The following ZNF536 variants were observed in gnomAD, a reference collection of about 807,000 sequenced individuals.
ZNF536 encodes the protein zinc finger protein 536.
ZNF536 carries 13 observed loss-of-function variants against 84.5 expected under a neutral mutation model. The observed-to-expected ratio is 0.15, with a 90% CI of 0.10 to 0.24. The LOEUF (loss-of-function observed/expected upper bound fraction) is 0.24, where lower values mean the gene tolerates loss of function less well. Ranked by LOEUF, ZNF536 falls within the 10% of genes least tolerant of loss-of-function variation. The pLI is 1.00. For synonymous variants in ZNF536, 811 were observed against 742.5 expected, an observed-to-expected ratio of 1.09 and a Z score of -1.50; for missense variants, 1,536 against 1,747.5, an observed-to-expected ratio of 0.88 and a Z score of 2.16.
At chr19:30,514,201 G>T (rs963686622) in intron 2 of ZNF536, among the ~76,000 whole-genome samples, 4 of 152,146 alleles carry the variant, frequency 2.6e-5, no homozygotes, top group African/African-American at 4.8e-5. Context: ...CCTTCTACTA[G>T]CCTCCATAGA....
intron 2 of ZNF536, among the ~76,000 whole-genome samples, chr19:30,285,975 TG>T (rs1868268567): frequency 1.3e-5 from 2 of 152,196 alleles, no homozygotes; most frequent in South Asian, 2.1e-4. Flanking sequence ...CAGAGTTCCA[TG>T]GTGCTTTTTC....
chr19:30,640,550 G>A (rs930874061), intron 1 of ZNF536, among the ~76,000 whole-genome samples: 1 of 152,158 alleles, frequency 6.6e-6, no homozygotes, highest in Non-Finnish European at 1.5e-5. Context: ...TTGAGGTATC[G>A]TAAGATTGTG....
intron 2 of ZNF536, among the ~76,000 whole-genome samples, chr19:30,299,931 T>A (rs528857341): frequency 1.3e-5 from 2 of 152,294 alleles, no homozygotes; most frequent in African/African-American, 4.8e-5. Flanking sequence ...CTAATCTAAT[T>A]CACCATATAA....
At chr19:30,536,865 C>T (rs2045104335) in intron 3 of ZNF536, among the ~76,000 whole-genome samples, 6 of 152,222 alleles carry the variant, frequency 3.9e-5, no homozygotes. Context: ...TTGAACTTCT[C>T]TGCCAGATAG....
intron 2 of ZNF536, among the ~76,000 whole-genome samples, chr19:30,306,974 C>T (rs564910438): frequency 2.4e-4 from 36 of 151,924 alleles, no homozygotes; most frequent in Non-Finnish European, 4.4e-4. Flanking sequence ...TTGAGGGAAC[C>T]GACAGAAAAA....
intron 2 of ZNF536, among the ~76,000 whole-genome samples, chr19:30,317,184 C>G (rs1415286466): frequency 2.0e-5 from 3 of 152,194 alleles, no homozygotes; most frequent in Admixed American, 1.3e-4. Flanking sequence ...CACCTTGAAC[C>G]CAGCCCTGTC....
intron 1 of ZNF536, among the ~76,000 whole-genome samples, chr19:30,373,090 C>CT (rs1161724631): frequency 6.6e-6 from 1 of 152,238 alleles, no homozygotes; most frequent in East Asian, 1.9e-4. Context: ...TTGGGTTCTG[C>CT]TTTTTGACGT....
chr19:30,619,181 T>G (rs2048399062), intron 1 of ZNF536, among the ~76,000 whole-genome samples: 1 of 152,222 alleles, frequency 6.6e-6, no homozygotes, highest in Non-Finnish European at 1.5e-5. Context: ...CATGTTGAAT[T>G]CTGTTTGTCT....
intron 1 of ZNF536, among the ~76,000 whole-genome samples, chr19:30,704,072 C>T (rs1353460715): frequency 1.3e-5 from 2 of 152,124 alleles, no homozygotes; most frequent in African/African-American, 4.8e-5. Context: ...TCCTATTTGA[C>T]CAAAGGCCAT....
At chr19:30,550,374 A>C (rs1019815402) in intron 4 of ZNF536, among the ~76,000 whole-genome samples, 4 of 152,230 alleles carry the variant, frequency 2.6e-5, no homozygotes, top group African/African-American at 9.6e-5. Context: ...GGGGGAATCA[A>C]AGTCATTGTC....
chr19:30,484,226 A>ATTT (rs554903479), intron 2 of ZNF536, among the ~76,000 whole-genome samples: 7 of 122,030 alleles, frequency 5.7e-5, no homozygotes, highest in East Asian at 2.3e-4. Context: ...TCTCATTTTG[A>ATTT]TTTTTTTTTT....
intron 2 of ZNF536, among the ~76,000 whole-genome samples, chr19:30,478,703 A>ATG (rs1294468416): frequency 6.6e-6 from 1 of 152,200 alleles, no homozygotes; most frequent in Non-Finnish European, 1.5e-5. Flanking sequence ...TTGCCCTGAA[A>ATG]TGTGCATGGT....
intron 2 of ZNF536, among the ~76,000 whole-genome samples, chr19:30,323,682 C>G (rs2046931027): frequency 6.6e-6 from 1 of 152,138 alleles, no homozygotes; most frequent in Non-Finnish European, 1.5e-5. Flanking sequence ...AGGAAGCCAT[C>G]CTCCTTCTCA....
intron 1 of ZNF536, among the ~76,000 whole-genome samples, chr19:30,682,352 C>A (rs947725992): frequency 6.6e-6 from 1 of 152,148 alleles, no homozygotes; most frequent in African/African-American, 2.4e-5. Flanking sequence ...TGAGATGTAC[C>A]GTTCGAATTG....
At chr19:30,710,155 G>A (rs1377257722) in intron 1 of ZNF536, among the ~76,000 whole-genome samples, 1 of 152,142 alleles carries the variant, frequency 6.6e-6, no homozygotes, top group Admixed American at 6.5e-5. Flanking sequence ...CTCTTTGCCT[G>A]CAAATCTGGG....
At chr19:30,464,369 C>T (rs963365289) in intron 2 of ZNF536, among the ~76,000 whole-genome samples, 8 of 152,066 alleles carry the variant, frequency 5.3e-5, no homozygotes, top group Admixed American at 4.6e-4. Flanking sequence ...GCTGGGCCCT[C>T]GAGGGGTAAA....
At chr19:30,485,613 T>C (rs1044722352) in intron 2 of ZNF536, among the ~76,000 whole-genome samples, 1 of 151,848 alleles carries the variant, frequency 6.6e-6, no homozygotes, top group Admixed American at 6.6e-5. Context: ...CTTTTTTTTT[T>C]TGTCTTTTCT....
At chr19:30,348,596 G>A (rs1418512082) in intron 2 of ZNF536, among the ~76,000 whole-genome samples, 3 of 152,174 alleles carry the variant, frequency 2.0e-5, no homozygotes, top group African/African-American at 4.8e-5. Flanking sequence ...CCTCCATGGG[G>A]ATGCAATGGA....
In ZNF536 at chr19:30,548,552, T is replaced by C. The variant is rs2146206604; in HGVS notation, c.2933T>C (p.Leu978Ser). ...SEKSQYEPLD[L>S]SVRPDAASLP... ...AAATCTCAGTATGAACCCCTGGACT[T>C]GTCTGTGCGGCCAGATGCCGCCTCC... Residue 978 changes from leucine to serine, a missense_variant, in exon 4 of 5, where the codon TTG becomes TCG. Around this residue, in one of 8 missense-constraint regions of ZNF536, gnomAD observed 624 missense variants for 603.1 expected, o/e 1.03. Coordinates refer to ENST00000355537, the MANE Select transcript of ZNF536 (RefSeq NM_014717.3). 6.2e-7 allele frequency: 1 copy of C among 1,614,104 alleles called. No individual in the cohort carries two copies. The highest frequency in any genetic ancestry group is 8.5e-7 in the Non-Finnish European group (1 of 1,180,028).
Sources: allele counts gnomAD v4.1 joint callset (sites outside exome capture counted in the v4.1 genomes callset), GRCh38; gene constraint gnomAD v4.1.1; regional missense constraint gnomAD v4.1.1; transcripts MANE v1.5; gene names NCBI Gene and HGNC (gene_info 2026-07-23, HGNC 2026-07-21).